WWOX: variants seen among roughly 807,000 people sequenced by gnomAD.
WWOX encodes WW domain-containing oxidoreductase.
WWOX carries 69 observed loss-of-function variants against 46.2 expected under a neutral mutation model. The ratio of observed to expected loss-of-function variants is 1.49; its 90% CI spans 1.23 to 1.82. The LOEUF (loss-of-function observed/expected upper bound fraction) is 1.82. Ranked by LOEUF, WWOX falls within the 40% of genes most tolerant of loss-of-function variation. WWOX has a pLI of 0.00. For synonymous variants in WWOX, 359 were observed against 202.6 expected (o/e 1.77, Z -6.56); for missense variants, 919 against 542.6 (o/e 1.69, Z -6.89).
intron 8 of WWOX, among the ~76,000 whole-genome samples, chr16:79,175,452 C>T (rs1200591416): frequency 6.6e-6 from 1 of 152,214 alleles, no homozygotes; most frequent in African/African-American, 2.4e-5. Context: ...TCTGGTCAGT[C>T]TGACTCTCTT....
In WWOX at chr16:78,392,380, T is replaced by C. The variant is rs116380185; in HGVS notation, c.605+5432T>C. On this transcript the variant is annotated intron_variant, in intron 6 of 8. Coordinates refer to ENST00000566780, the MANE Select transcript of WWOX (RefSeq NM_016373.4). ...CCTTCAAGATGGGATTGTCTAGTTC[T>C]AGGAAAACAAGCTCAGGGCTCCCAC... 7.3e-3 allele frequency among the ~76,000 whole-genome samples: 1,108 copies of C among 152,234 alleles called. 15 individuals are homozygous for C. The highest frequency in any genetic ancestry group is 0.025 in the African/African-American group (1,051 of 41,520).
chr16:78,400,939 C>G (rs1307569789), intron 6 of WWOX, among the ~76,000 whole-genome samples: 2 of 152,202 alleles, frequency 1.3e-5, no homozygotes, highest in Non-Finnish European at 2.9e-5. Context: ...TCCTTCCACT[C>G]AGCCTCCTGA....
At chr16:78,550,482 G>T (rs2044147482) in intron 8 of WWOX, among the ~76,000 whole-genome samples, 1 of 152,198 alleles carries the variant, frequency 6.6e-6, no homozygotes. Flanking sequence ...TAGTTTGCTG[G>T]CCTCTGGTCA....
chr16:78,996,401 T>G, intron 8 of WWOX: 1 of 806,264 alleles, frequency 1.2e-6, no homozygotes, highest in Non-Finnish European at 1.4e-6. Context: ...CTTCCCCACC[T>G]GTAAAATGAT....
intron 8 of WWOX, among the ~76,000 whole-genome samples, chr16:78,949,343 G>T (rs2046012063): frequency 6.6e-6 from 1 of 152,138 alleles, no homozygotes; most frequent in South Asian, 2.1e-4. Flanking sequence ...TGCTGTGGCA[G>T]CAATAGAAAA....
At chr16:78,552,444 G>A (rs903039559) in intron 8 of WWOX, 1 of 152,196 alleles carries the variant, frequency 6.6e-6, no homozygotes, top group Non-Finnish European at 1.5e-5. Flanking sequence ...TTGTAATCCA[G>A]CTCCATGCTG....
At chr16:78,545,539 T>G (rs986485835) in intron 8 of WWOX, among the ~76,000 whole-genome samples, 3 of 152,178 alleles carry the variant, frequency 2.0e-5, no homozygotes, top group African/African-American at 7.2e-5. Context: ...TTAAACAAGT[T>G]CAATGTTTTA....
chr16:78,848,401 C>T (rs2052354904), intron 8 of WWOX, among the ~76,000 whole-genome samples: 1 of 152,154 alleles, frequency 6.6e-6, no homozygotes, highest in African/African-American at 2.4e-5. Flanking sequence ...TTGGACTAGA[C>T]CAGCACCTCG....
At chr16:79,173,016 A>G (rs923550331) in intron 8 of WWOX, among the ~76,000 whole-genome samples, 5 of 152,178 alleles carry the variant, frequency 3.3e-5, no homozygotes, top group African/African-American at 1.2e-4. Flanking sequence ...GCAAGACCCC[A>G]TCTCTAAATA....
intron 8 of WWOX, among the ~76,000 whole-genome samples, chr16:79,129,384 C>G (rs1158753714): frequency 3.4e-5 from 5 of 147,526 alleles, no homozygotes; most frequent in Admixed American, 1.4e-4. Context: ...ATGATGCAGT[C>G]TATCTCGTAT....
chr16:78,110,376 T>A (rs950790701), intron 3 of WWOX, among the ~76,000 whole-genome samples: 11 of 150,938 alleles, frequency 7.3e-5, no homozygotes, highest in African/African-American at 2.7e-4. Context: ...GAATGCACTG[T>A]GTGGACTGTT....
At chr16:79,003,205 C>T (rs115274667) in intron 8 of WWOX, among the ~76,000 whole-genome samples, 2 of 152,310 alleles carry the variant, frequency 1.3e-5, no homozygotes, top group East Asian at 3.9e-4. Context: ...TAGTGAGAAT[C>T]AGACATGGAT....
rs112145124 is a variant in WWOX, at chr16:79,170,722, AT to A, written c.1057-40877del. Among the ~76,000 whole-genome samples, 234 of 151,310 alleles carry A rather than the reference AT, an allele frequency of 1.5e-3. 5 individuals carry two copies. The highest frequency in any genetic ancestry group is 7.4e-4 in the Non-Finnish European group (50 of 67,762). Reference sequence around the variant, plus strand: ...TAAGATGTTGCAAGCTCAATTCATGATTTTTTTTTCTTTTTCTGTATGTTTC... The same window carrying A: ...TAAGATGTTGCAAGCTCAATTCATGATTTTTTTTCTTTTTCTGTATGTTTC... On this transcript the variant is annotated intron_variant, in intron 8 of 8. Transcript: ENST00000566780.
intron 1 of WWOX, among the ~76,000 whole-genome samples, chr16:78,101,968 G>C (rs932661076): frequency 6.6e-6 from 1 of 152,138 alleles, no homozygotes; most frequent in Non-Finnish European, 1.5e-5. Context: ...AGTTGGGGGG[G>C]TCGTGAGGGA....
At chr16:78,158,871 T>G (rs1366476460) in intron 4 of WWOX, among the ~76,000 whole-genome samples, 3 of 152,168 alleles carry the variant, frequency 2.0e-5, no homozygotes, top group Non-Finnish European at 4.4e-5. Flanking sequence ...ATGGTAGATC[T>G]CTAGGGCTTT....
intron 8 of WWOX, among the ~76,000 whole-genome samples, chr16:78,436,716 T>C (rs1031646047): frequency 2.0e-5 from 3 of 152,190 alleles, no homozygotes; most frequent in African/African-American, 7.2e-5. Flanking sequence ...TTTAGGACTC[T>C]GTATTTAGGA....
At chr16:78,423,122 T>C (rs893240080) in intron 6 of WWOX, among the ~76,000 whole-genome samples, 1 of 152,034 alleles carries the variant, frequency 6.6e-6, no homozygotes, top group Non-Finnish European at 1.5e-5. Context: ...TCTGACCTCG[T>C]GATTTGCCTG....
chr16:78,631,789 G>A (rs901981057), intron 8 of WWOX, among the ~76,000 whole-genome samples: 1 of 152,110 alleles, frequency 6.6e-6, no homozygotes, highest in Non-Finnish European at 1.5e-5. Context: ...GTCTCCCAAA[G>A]TGTTGGGATT....
At chr16:78,305,386 A>T (rs2080115129) in intron 5 of WWOX, among the ~76,000 whole-genome samples, 1 of 152,166 alleles carries the variant, frequency 6.6e-6, no homozygotes, top group African/African-American at 2.4e-5. Flanking sequence ...AAAGCCATGT[A>T]ACCTCTGGAT....
Sources: allele counts gnomAD v4.1 joint callset (sites outside exome capture counted in the v4.1 genomes callset), GRCh38; gene constraint gnomAD v4.1.1; transcripts MANE v1.5; gene names NCBI Gene and HGNC (gene_info 2026-07-23, HGNC 2026-07-21).